The following C16orf74 variants were observed in gnomAD, a reference collection of about 807,000 sequenced individuals.
C16orf74 encodes calcimembrin.
In C16orf74, 10 loss-of-function variants were observed where a neutral mutation model predicts 6.5. The ratio of observed to expected loss-of-function variants is 1.54; its 90% CI spans 0.95 to 2.61. The LOEUF (loss-of-function observed/expected upper bound fraction) is 2.61. Ranked by LOEUF, C16orf74 falls within the 30% of genes most tolerant of loss-of-function variation. The pLI, the probability that C16orf74 is intolerant of heterozygous loss-of-function variation, is 0.00. For missense variants in C16orf74, 141 were observed against 105.9 expected (o/e 1.33, Z -1.45); for synonymous variants, 60 against 42.5 (o/e 1.41, Z -1.60).
intron 1 of C16orf74, among the ~76,000 whole-genome samples, chr16:85,745,139 T>TAAAAAAAAAAAAAAAAAA (rs10554549): frequency 2.5e-4 from 13 of 51,010 alleles, no homozygotes; most frequent in African/African-American, 1.1e-3. Flanking sequence ...AAACTCTGTC[T>TAAAAAAAAAAAAAAAAAA]AAAAAAAAAA....
chr16:85,715,098 A>G (rs1224358678), intron 2 of C16orf74, among the ~76,000 whole-genome samples: 1 of 151,062 alleles, frequency 6.6e-6, no homozygotes, highest in Non-Finnish European at 1.5e-5. Flanking sequence ...CGGAGCTTGC[A>G]GTGAGCCGAG....
intron 2 of C16orf74, among the ~76,000 whole-genome samples, chr16:85,732,070 T>A (rs1357646148): frequency 6.6e-6 from 1 of 152,158 alleles, no homozygotes; most frequent in Non-Finnish European, 1.5e-5. Flanking sequence ...ACAGTTGTCC[T>A]TAAAAGAGAA....
chr16:85,726,957 T>C (rs953418930), intron 2 of C16orf74, among the ~76,000 whole-genome samples: 1 of 152,200 alleles, frequency 6.6e-6, no homozygotes, highest in Non-Finnish European at 1.5e-5. Context: ...GGGTGCTTCC[T>C]GGGTGATGCC....
chr16:85,750,070 A>G (rs2054419681), intron 1 of C16orf74, among the ~76,000 whole-genome samples: 1 of 152,182 alleles, frequency 6.6e-6, no homozygotes, highest in Non-Finnish European at 1.5e-5. Context: ...GAAACGCCAG[A>G]GCCTGTGACT....
At chr16:85,726,930 G>A (rs1035145206) in intron 2 of C16orf74, among the ~76,000 whole-genome samples, 1 of 152,158 alleles carries the variant, frequency 6.6e-6, no homozygotes, top group African/African-American at 2.4e-5. Context: ...TCTGTGCCAG[G>A]CCAGCTCTTT....
intron 3 of C16orf74, among the ~76,000 whole-genome samples, chr16:85,708,797 G>A (rs1350233459): frequency 2.6e-5 from 4 of 152,162 alleles, no homozygotes; most frequent in East Asian, 1.9e-4. Context: ...CCCAAGCTCA[G>A]GACATCTGGA....
At chr16:85,723,728 G>C (rs1400379576) in intron 2 of C16orf74, among the ~76,000 whole-genome samples, 1 of 152,250 alleles carries the variant, frequency 6.6e-6, no homozygotes. Context: ...TTCGAGGGTG[G>C]TGGGGCGTGC....
intron 2 of C16orf74, among the ~76,000 whole-genome samples, chr16:85,732,435 G>A (rs1463598312): frequency 6.6e-6 from 1 of 152,052 alleles, no homozygotes; most frequent in Non-Finnish European, 1.5e-5. Flanking sequence ...GGAGGCTGAG[G>A]CAGGAGGATC....
At chr16:85,714,401 A>ATTTATTAT (rs1320850192) in intron 2 of C16orf74, among the ~76,000 whole-genome samples, 1 of 141,308 alleles carries the variant, frequency 7.1e-6, no homozygotes, top group African/African-American at 2.6e-5. Flanking sequence ...TTATTTATTT[A>ATTTATTAT]TTATTTATTT....
At chr16:85,733,421 G>C (rs1353879039) in intron 2 of C16orf74, among the ~76,000 whole-genome samples, 2 of 152,182 alleles carry the variant, frequency 1.3e-5, no homozygotes, top group Non-Finnish European at 2.9e-5. Context: ...GTGTTTAACG[G>C]GGACAGAGTT....
chr16:85,730,474 G>A (rs2054176253), intron 2 of C16orf74, among the ~76,000 whole-genome samples: 1 of 151,934 alleles, frequency 6.6e-6, no homozygotes, highest in South Asian at 2.1e-4. Context: ...GGAAAGGAGG[G>A]CAGCAAACTA....
At chr16:85,727,211 C>T (rs929421666) in intron 2 of C16orf74, among the ~76,000 whole-genome samples, 1 of 152,246 alleles carries the variant, frequency 6.6e-6, no homozygotes, top group African/African-American at 2.4e-5. Context: ...GGCATTCACA[C>T]TGTCACGGGG....
intron 1 of C16orf74, among the ~76,000 whole-genome samples, chr16:85,748,141 T>G (rs2054394893): frequency 1.5e-5 from 1 of 68,434 alleles, no homozygotes; most frequent in African/African-American, 3.4e-5. Context: ...TATATATATG[T>G]GTGTGTATAT....
At chr16:85,715,937 T>C (rs2054018775) in intron 2 of C16orf74, among the ~76,000 whole-genome samples, 1 of 152,176 alleles carries the variant, frequency 6.6e-6, no homozygotes, top group Non-Finnish European at 1.5e-5. Context: ...CCCAGCCAGC[T>C]GCCCCATAAG....
At chr16:85,747,814 G>A (rs11117301) in intron 1 of C16orf74, among the ~76,000 whole-genome samples, 5,670 of 152,052 alleles carry the variant, frequency 0.037, 268 homozygotes, top group African/African-American at 0.11. Flanking sequence ...CCAGCTGGGC[G>A]CAAGGACTCA....
chr16:85,745,538 C>G (rs1416609861), intron 1 of C16orf74, among the ~76,000 whole-genome samples: 3 of 152,246 alleles, frequency 2.0e-5, no homozygotes, highest in Non-Finnish European at 2.9e-5. Flanking sequence ...CTGTGAGGGA[C>G]AGAAACTCCT....
Position 85,713,281 on chromosome 16 carries a change from C to CT in C16orf74, c.29-2975dup, listed in dbSNP as rs552886421. 2.1e-3 allele frequency among the ~76,000 whole-genome samples: 320 copies of CT among 151,338 alleles called. 2 individuals carry two copies. The highest frequency in any genetic ancestry group is 7.3e-3 in the African/African-American group (300 of 41,308). ...TTGTCTCTGTCCAGACTCCCCCCTG[C>CT]TTTTTTTTTGAGACGGATCTCACTC... On this transcript the variant is annotated intron_variant, in intron 2 of 3. Transcript: ENST00000284245.
At chr16:85,732,527 G>T (rs964210777) in intron 2 of C16orf74, among the ~76,000 whole-genome samples, 1 of 151,852 alleles carries the variant, frequency 6.6e-6, no homozygotes, top group Non-Finnish European at 1.5e-5. Flanking sequence ...TTAGCTGGGC[G>T]TGGTGGCACA....
chr16:85,721,869 G>A (rs1188363270), intron 2 of C16orf74, among the ~76,000 whole-genome samples: 2 of 151,940 alleles, frequency 1.3e-5, no homozygotes, highest in Admixed American at 1.3e-4. Flanking sequence ...GACCTGCTGT[G>A]TGGTCTGAAC....
Sources: gnomAD v4.1 joint callset for allele counts (sites outside exome capture counted in the v4.1 genomes callset) on GRCh38, gnomAD v4.1.1 for gene constraint, MANE v1.5 for transcripts, NCBI Gene and HGNC (gene_info 2026-07-23, HGNC 2026-07-21) for gene names.